Variants in ATXN7L1 observed in about 807,000 individuals in gnomAD.
The protein encoded by ATXN7L1 is ataxin 7 like 1.
ATXN7L1 carries 15 observed loss-of-function variants against 70.8 expected under a neutral mutation model. That is an observed-to-expected ratio of 0.21 (90% CI 0.14 to 0.33). The LOEUF (loss-of-function observed/expected upper bound fraction) is 0.33. Ranked by LOEUF, ATXN7L1 falls within the 10% of genes least tolerant of loss-of-function variation. ATXN7L1 has a pLI of 1.00. For synonymous variants in ATXN7L1, 440 were observed against 445.1 expected, an observed-to-expected ratio of 0.99 and a Z score of 0.14; for missense variants, 975 against 1,097.1, an observed-to-expected ratio of 0.89 and a Z score of 1.57.
At chr7:105,668,395 G>A (rs142376797) in intron 3 of ATXN7L1, among the ~76,000 whole-genome samples, 2 of 152,168 alleles carry the variant, frequency 1.3e-5, no homozygotes, top group East Asian at 3.9e-4. Flanking sequence ...CACCATACCC[G>A]GCTAATTAAT....
chr7:105,694,134 G>A (rs1470949472), intron 3 of ATXN7L1, among the ~76,000 whole-genome samples: 1 of 150,644 alleles, frequency 6.6e-6, no homozygotes, highest in Admixed American at 6.6e-5. Flanking sequence ...TGCAACCTCC[G>A]CCTCCCGGGT....
At chr7:105,713,118 G>A (rs1234310695) in intron 3 of ATXN7L1, among the ~76,000 whole-genome samples, 1 of 152,192 alleles carries the variant, frequency 6.6e-6, no homozygotes, top group Non-Finnish European at 1.5e-5. Context: ...TGGGGGAAGT[G>A]CTAGACACTT....
chr7:105,683,602 G>A (rs2116166531), intron 3 of ATXN7L1, among the ~76,000 whole-genome samples: 1 of 152,268 alleles, frequency 6.6e-6, no homozygotes, highest in South Asian at 2.1e-4. Flanking sequence ...CTTGAATCAG[G>A]AGGTGGAGGT....
In ATXN7L1 at chr7:105,752,833, C is replaced by A. The variant is rs181767363; in HGVS notation, c.355+35771G>T. Reference sequence around the variant, plus strand: ...CTTCCTGTAGTCCTCAACACAGTGGCCGCACCCTGAACAAAGCCCTCCCTT... The same window carrying A: ...CTTCCTGTAGTCCTCAACACAGTGGACGCACCCTGAACAAAGCCCTCCCTT... On this transcript the variant is annotated intron_variant, in intron 3 of 11. Transcript: ENST00000419735. Among the ~76,000 whole-genome samples, 421 of 152,290 alleles carry A rather than the reference C, an allele frequency of 2.8e-3. 2 individuals carry two copies. Among genetic ancestry groups the A allele is most frequent in the African/African-American group, 9.6e-3 (400 of 41,554 alleles).
At chr7:105,725,173 A>G (rs1178661377) in intron 3 of ATXN7L1, among the ~76,000 whole-genome samples, 1 of 152,202 alleles carries the variant, frequency 6.6e-6, no homozygotes, top group African/African-American at 2.4e-5. Context: ...TGACCTTGTT[A>G]ACAGGGCAAA....
At chr7:105,721,673 A>T (rs1006115914) in intron 3 of ATXN7L1, among the ~76,000 whole-genome samples, 1 of 152,198 alleles carries the variant, frequency 6.6e-6, no homozygotes, top group African/African-American at 2.4e-5. Context: ...AACACCCTAG[A>T]CCTGAGAGGA....
intron 2 of ATXN7L1, among the ~76,000 whole-genome samples, chr7:105,823,911 G>A (rs1359589401): frequency 6.6e-6 from 1 of 152,160 alleles, no homozygotes; most frequent in Admixed American, 6.5e-5. Context: ...AGATGGCAGG[G>A]GTAATGTGAG....
At chr7:105,722,841 C>T (rs1795358151) in intron 3 of ATXN7L1, among the ~76,000 whole-genome samples, 1 of 151,676 alleles carries the variant, frequency 6.6e-6, no homozygotes, top group Non-Finnish European at 1.5e-5. Context: ...GCTGAGATTG[C>T]ACCACTGCAT....
intron 2 of ATXN7L1, among the ~76,000 whole-genome samples, chr7:105,841,361 C>A (rs987795184): frequency 2.0e-5 from 3 of 152,240 alleles, no homozygotes; most frequent in Non-Finnish European, 4.4e-5. Context: ...ATACAGCAGT[C>A]CTTGCTTATC....
rs561042063 is a variant in ATXN7L1, at chr7:105,627,902, T to C, written c.1203-3635A>G. Among the ~76,000 whole-genome samples the C allele has an allele frequency of 3.6e-5, 5 of 138,848 alleles. No homozygotes were observed. In the South Asian group the frequency reaches 1.2e-3, roughly 32 times the overall value. The allele number at this position is 138,848 out of a possible 152,430, so 91.1% of individuals were successfully genotyped here. A position where few individuals can be genotyped will look rare whatever the true frequency, so the allele number is the denominator to read the frequency against. On this transcript the variant is annotated intron_variant, in intron 7 of 11. Transcript: ENST00000419735. ...CTCTGTCACCCAGGCTGGAGTGCAG[T>C]GGCACAATCTTGGCTCACTGCAACG...
intron 2 of ATXN7L1, among the ~76,000 whole-genome samples, chr7:105,822,365 C>G (rs1390632211): frequency 6.6e-6 from 1 of 152,194 alleles, no homozygotes; most frequent in Non-Finnish European, 1.5e-5. Context: ...GAGGATGGTA[C>G]TGACTAGCTG....
intron 4 of ATXN7L1, among the ~76,000 whole-genome samples, chr7:105,658,749 G>T (rs917248301): frequency 1.3e-5 from 2 of 151,984 alleles, no homozygotes; most frequent in Non-Finnish European, 2.9e-5. Context: ...GGCTAGGCTG[G>T]TCTCGAACTC....
At chr7:105,705,326 G>C (rs921267936) in intron 3 of ATXN7L1, among the ~76,000 whole-genome samples, 1 of 144,598 alleles carries the variant, frequency 6.9e-6, no homozygotes, top group Non-Finnish European at 1.5e-5. Flanking sequence ...ATGCCCGGCC[G>C]AGTATTTTTT....
At chr7:105,611,827 T>C (rs1793180870) in intron 10 of ATXN7L1, among the ~76,000 whole-genome samples, 1 of 152,242 alleles carries the variant, frequency 6.6e-6, no homozygotes. Context: ...GACCCCGATC[T>C]CCTAGCAGAA....
chr7:105,611,129 C>T (rs1238641976), intron 10 of ATXN7L1, among the ~76,000 whole-genome samples: 5 of 152,200 alleles, frequency 3.3e-5, no homozygotes, highest in African/African-American at 7.2e-5. Flanking sequence ...GAAAATAGCA[C>T]GATGGTGCTG....
Position 105,733,629 on chromosome 7 carries a change from T to C in ATXN7L1, c.355+54975A>G, listed in dbSNP as rs140041599. Among the ~76,000 whole-genome samples, 137 of 76,512 alleles carry C rather than the reference T, an allele frequency of 1.8e-3. 8 individuals are homozygous for C. The highest frequency in any genetic ancestry group is 2.4e-3 in the Admixed American group (18 of 7,518). 50.2% of individuals were successfully genotyped at this position (76,512 alleles called of 152,430 possible). On this transcript the variant is annotated intron_variant, in intron 3 of 11. Transcript: ENST00000419735. Reference sequence around the variant, plus strand: ...ACCCATCCATCCATCCATCCATCCATCCACCCATCCATCCATCCATCCATC... The same window carrying C: ...ACCCATCCATCCATCCATCCATCCACCCACCCATCCATCCATCCATCCATC...
At chr7:105,690,615 A>C (rs1311250437) in intron 3 of ATXN7L1, among the ~76,000 whole-genome samples, 2 of 152,188 alleles carry the variant, frequency 1.3e-5, no homozygotes, top group Admixed American at 1.3e-4. Flanking sequence ...AACCCGAGGC[A>C]CAATGAAGTG....
chr7:105,645,672 G>A (rs1798889632), intron 4 of ATXN7L1, among the ~76,000 whole-genome samples: 1 of 151,668 alleles, frequency 6.6e-6, no homozygotes, highest in African/African-American at 2.4e-5. Flanking sequence ...AATTAGCCAG[G>A]CGTGGCAGCG....
At chr7:105,731,330 A>G (rs868676288) in intron 3 of ATXN7L1, among the ~76,000 whole-genome samples, 75 of 152,188 alleles carry the variant, frequency 4.9e-4, no homozygotes, top group African/African-American at 1.7e-3. Flanking sequence ...GAGATATTCA[A>G]CTGGTATTAT....
Sources: gnomAD v4.1 joint callset for allele counts (sites outside exome capture counted in the v4.1 genomes callset) on GRCh38, gnomAD v4.1.1 for gene constraint, MANE v1.5 for transcripts, NCBI Gene and HGNC (gene_info 2026-07-23, HGNC 2026-07-21) for gene names.